The following TTLL5 variants were observed in gnomAD, a reference collection of about 807,000 sequenced individuals.
TTLL5 encodes the protein tubulin tyrosine ligase like 5, also known as tubulin polyglutamylase TTLL5.
TTLL5 carries 132 observed loss-of-function variants against 168.4 expected under a neutral mutation model. The observed-to-expected ratio is 0.78, with a 90% CI of 0.68 to 0.91. The LOEUF is 0.91. TTLL5 is among the 40% of genes least tolerant of loss of function. The probability of loss-of-function intolerance (pLI) is 0.00; values close to 1 mark genes in which losing one functional copy is unlikely to be tolerated. For missense variants in TTLL5, 1,545 were observed against 1,581.5 expected, an observed-to-expected ratio of 0.98 and a Z score of 0.39; for synonymous variants, 546 against 558.6, an observed-to-expected ratio of 0.98 and a Z score of 0.32.
intron 15 of TTLL5, among the ~76,000 whole-genome samples, chr14:75,741,619 T>C (rs1025906119): frequency 3.3e-5 from 5 of 152,072 alleles, no homozygotes; most frequent in Non-Finnish European, 5.9e-5. Context: ...TCTGTCCATC[T>C]TATCCTTTCT....
intron 9 of TTLL5, among the ~76,000 whole-genome samples, chr14:75,714,077 C>G (rs1246580556): frequency 6.6e-6 from 1 of 151,952 alleles, no homozygotes; most frequent in Non-Finnish European, 1.5e-5. Context: ...CTTTCATGAT[C>G]TCAGCATTTT....
At chr14:75,685,136 C>T (rs1038177099) in intron 5 of TTLL5, 3 of 152,078 alleles carry the variant, frequency 2.0e-5, no homozygotes, top group Non-Finnish European at 4.4e-5. Context: ...GATCCCAGCA[C>T]TTTGGGAGGC....
chr14:75,910,624 G>C (rs2033338273), intron 31 of TTLL5, among the ~76,000 whole-genome samples: 2 of 152,186 alleles, frequency 1.3e-5, no homozygotes, highest in Non-Finnish European at 2.9e-5. Flanking sequence ...AGCCACGCCT[G>C]TCTTTGGAAA....
At chr14:75,869,970 C>T (rs981473469) in intron 29 of TTLL5, among the ~76,000 whole-genome samples, 45 of 152,086 alleles carry the variant, frequency 3.0e-4, no homozygotes, top group African/African-American at 1.1e-3. Context: ...CAGGCGCACA[C>T]CACCACGCCA....
rs533033687 is a variant in TTLL5 at position 75,925,921 on chromosome 14, G to A, written c.3823+23697G>A. On this transcript the variant is annotated intron_variant, in intron 31 of 31. Transcript: ENST00000298832. ...GAAAACCAGTCAGGCGTGGCGGCGC[G>A]CACCTGTAATCGCAGGCACTTGGCA... Among the ~76,000 whole-genome samples the A allele has an allele frequency of 1.2e-3, 189 of 152,048 alleles. 3 individuals carry two copies. Among genetic ancestry groups the A allele is most frequent in the African/African-American group, 4.3e-3 (176 of 41,316 alleles).
At chr14:75,891,916 G>A (rs1385745128) in intron 30 of TTLL5, among the ~76,000 whole-genome samples, 1 of 152,186 alleles carries the variant, frequency 6.6e-6, no homozygotes, top group Non-Finnish European at 1.5e-5. Context: ...GAGATAATGT[G>A]TTTCCCTGAC....
chr14:75,794,428 T>C (rs1892887580), intron 27 of TTLL5, among the ~76,000 whole-genome samples: 1 of 147,144 alleles, frequency 6.8e-6, no homozygotes, highest in African/African-American at 2.5e-5. Flanking sequence ...CACCAAGACA[T>C]TGAGATTTTG....
At chr14:75,703,663 C>G (rs754516313) in intron 7 of TTLL5, among the ~76,000 whole-genome samples, 3 of 152,192 alleles carry the variant, frequency 2.0e-5, no homozygotes, top group Non-Finnish European at 4.4e-5. Context: ...ATGGGAAATA[C>G]AGTATTGATA....
At position 75,750,130 on chromosome 14, in the gene TTLL5, G is replaced by C. The variant is rs531417762; in HGVS notation, c.1488-2763G>C. On this transcript the variant is annotated intron_variant, in intron 17 of 31. Coordinates refer to ENST00000298832, the MANE Select transcript of TTLL5 (RefSeq NM_015072.5). The stretch of plus-strand genomic sequence containing the variant: ...GACTTGGGTCAGATATTCTGATCTA[G>C]ATCTACTTTTTTCCTGCTGCATCAT... 2.0e-4 allele frequency among the ~76,000 whole-genome samples: 30 copies of C among 152,058 alleles called. No individual in the cohort carries two copies. The South Asian group carries it at 5.4e-3, about 27-fold the overall frequency.
At chr14:75,743,872 T>C (rs894482800) in intron 15 of TTLL5, among the ~76,000 whole-genome samples, 10 of 152,076 alleles carry the variant, frequency 6.6e-5, no homozygotes, top group African/African-American at 1.7e-4. Context: ...TGAGCCACCG[T>C]GCCCAGCCAC....
At chr14:75,757,877 A>G in intron 18 of TTLL5, 2 of 1,588,866 alleles carry the variant, frequency 1.3e-6, no homozygotes, top group Non-Finnish European at 1.7e-6. Flanking sequence ...ACGGTAATTG[A>G]CTTTTAAAAG....
At chr14:75,692,380 TACTA>T (rs1486965734) in intron 6 of TTLL5, among the ~76,000 whole-genome samples, 4 of 152,332 alleles carry the variant, frequency 2.6e-5, no homozygotes, top group East Asian at 3.9e-4. Context: ...TTTGTTTAAC[TACTA>T]ACTAAAGTTG....
At chr14:75,934,076 C>T (rs571480208) in intron 31 of TTLL5, among the ~76,000 whole-genome samples, 1 of 152,326 alleles carries the variant, frequency 6.6e-6, no homozygotes, top group South Asian at 2.1e-4. Context: ...CTGGCTTATC[C>T]CATAGTGGCT....
intron 30 of TTLL5, among the ~76,000 whole-genome samples, chr14:75,888,941 A>AAG (rs1225632142): frequency 6.6e-6 from 1 of 151,692 alleles, no homozygotes; most frequent in East Asian, 1.9e-4. Flanking sequence ...CTCCGAAAAA[A>AAG]AAAAAAGAAG....
chr14:75,802,081 T>C (rs1338300845), intron 27 of TTLL5, among the ~76,000 whole-genome samples: 1 of 152,198 alleles, frequency 6.6e-6, no homozygotes, highest in Non-Finnish European at 1.5e-5. Flanking sequence ...TTGTTTTCCC[T>C]TTTCTAATAG....
At chr14:75,731,370 T>TACACACACAC (rs1217242558) in intron 12 of TTLL5, among the ~76,000 whole-genome samples, 54 of 78,640 alleles carry the variant, frequency 6.9e-4, no homozygotes, top group African/African-American at 2.4e-3. Flanking sequence ...AATATACACA[T>TACACACACAC]ACATACACAC....
intron 30 of TTLL5, among the ~76,000 whole-genome samples, chr14:75,886,152 ACTT>A (rs904884986): frequency 1.3e-5 from 2 of 152,182 alleles, no homozygotes; most frequent in Admixed American, 1.3e-4. Flanking sequence ...TGAACTTCAA[ACTT>A]CTTCTAGCAC....
chr14:75,814,973 T>C (rs186051951), intron 27 of TTLL5, among the ~76,000 whole-genome samples: 36 of 152,370 alleles, frequency 2.4e-4, no homozygotes, highest in Admixed American at 2.4e-3. Flanking sequence ...CAGATCATTC[T>C]AGAAGATAGA....
At chr14:75,830,843 C>T (rs1895521243) in intron 28 of TTLL5, among the ~76,000 whole-genome samples, 2 of 152,098 alleles carry the variant, frequency 1.3e-5, no homozygotes, top group Non-Finnish European at 2.9e-5. Flanking sequence ...ACACAGGGCT[C>T]AGTTTATTGC....
Sources: allele counts gnomAD v4.1 joint callset (sites outside exome capture counted in the v4.1 genomes callset), GRCh38; gene constraint gnomAD v4.1.1; transcripts MANE v1.5; gene names NCBI Gene and HGNC (gene_info 2026-07-23, HGNC 2026-07-21).